Variants in SSBP3 observed in about 807,000 individuals in gnomAD.
SSBP3 encodes single-stranded DNA-binding protein 3.
Under a neutral mutation model 69.6 loss-of-function variants are expected in SSBP3, and 5 were observed. The ratio of observed to expected loss-of-function variants is 0.07; its 90% CI spans 0.04 to 0.15. SSBP3 has a LOEUF of 0.15. SSBP3 is among the 10% of genes least tolerant of loss of function. The probability of loss-of-function intolerance (pLI) is 1.00; values close to 1 mark genes in which losing one functional copy is unlikely to be tolerated. For synonymous variants in SSBP3, 196 were observed against 193.4 expected (o/e 1.01, Z -0.11); for missense variants, 312 against 534.0 (o/e 0.58, Z 4.10).
chr1:54,276,855 G>A (rs937636292), intron 5 of SSBP3, among the ~76,000 whole-genome samples: 6 of 152,060 alleles, frequency 3.9e-5, no homozygotes, highest in Admixed American at 3.9e-4. Flanking sequence ...ATCTCCCGCT[G>A]AGCACCTGTC....
chr1:54,271,025 C>A (rs1046627808), intron 5 of SSBP3, among the ~76,000 whole-genome samples: 1 of 152,332 alleles, frequency 6.6e-6, no homozygotes, highest in African/African-American at 2.4e-5. Context: ...CTGGGAGCTC[C>A]AGGCTTAGCT....
At chr1:54,328,765 T>C (rs1646354581) in intron 4 of SSBP3, among the ~76,000 whole-genome samples, 1 of 152,178 alleles carries the variant, frequency 6.6e-6, no homozygotes, top group Non-Finnish European at 1.5e-5. Flanking sequence ...CTCCCTTACC[T>C]GTAACCCAAT....
chr1:54,391,860 G>T (rs914566177), intron 4 of SSBP3, among the ~76,000 whole-genome samples: 2 of 151,612 alleles, frequency 1.3e-5, no homozygotes, highest in South Asian at 4.2e-4. Flanking sequence ...CAAGCTCCAC[G>T]GGGGGCAAGG....
chr1:54,404,719 G>T, intron 2 of SSBP3, 82 bp from the exon 3 acceptor site: 2 of 1,506,426 alleles, frequency 1.3e-6, no homozygotes, highest in Non-Finnish European at 9.2e-7. Context: ...AGGCTAGGAA[G>T]ACCAACTAAC....
chr1:54,397,440 C>G (rs773807605), intron 4 of SSBP3, among the ~76,000 whole-genome samples: 3 of 152,226 alleles, frequency 2.0e-5, no homozygotes, highest in South Asian at 2.1e-4. Context: ...TGCCTGCCCA[C>G]GCCCATGACT....
chr1:54,383,356 T>C (rs12046911), intron 4 of SSBP3, among the ~76,000 whole-genome samples: 16,471 of 150,646 alleles, frequency 0.11, 1,038 homozygotes, highest in East Asian at 0.28. Flanking sequence ...CCAGCCTGGG[T>C]GACAGAGCGA....
intron 4 of SSBP3, among the ~76,000 whole-genome samples, chr1:54,336,334 T>C (rs1220555138): frequency 2.6e-5 from 4 of 152,170 alleles, no homozygotes; most frequent in Non-Finnish European, 5.9e-5. Context: ...GAAATCTTCC[T>C]GAAGCCCTCA....
At chr1:54,334,821 T>C (rs1646480816) in intron 4 of SSBP3, among the ~76,000 whole-genome samples, 1 of 152,228 alleles carries the variant, frequency 6.6e-6, no homozygotes, top group South Asian at 2.1e-4. Flanking sequence ...GGCAGCTACA[T>C]TCAAGGGCCA....
intron 15 of SSBP3, 81 bp downstream of exon 15, chr1:54,228,667 A>C: frequency 6.6e-7 from 1 of 1,514,140 alleles, no homozygotes; most frequent in Middle Eastern, 2.3e-4. Flanking sequence ...GCTCTGTACC[A>C]AGCCCAGCTG....
chr1:54,266,105 G>A (rs1245800197), intron 5 of SSBP3, among the ~76,000 whole-genome samples: 1 of 152,254 alleles, frequency 6.6e-6, no homozygotes, highest in Non-Finnish European at 1.5e-5. Flanking sequence ...CACACTGCTT[G>A]CCAGCGCCTC....
chr1:54,296,531 G>A (rs1189516925), intron 4 of SSBP3, among the ~76,000 whole-genome samples: 1 of 152,226 alleles, frequency 6.6e-6, no homozygotes, highest in East Asian at 1.9e-4. Context: ...CCCACAGCCA[G>A]GCTGGACAGA....
chr1:54,407,359 A>C (rs1649851297), upstream of SSBP3, among the ~76,000 whole-genome samples: 1 of 149,838 alleles, frequency 6.7e-6, no homozygotes, highest in Admixed American at 6.6e-5. Context: ...AAATAAATGG[A>C]GCTAAATTGG....
At chr1:54,380,055 G>C (rs1413184449) in intron 4 of SSBP3, among the ~76,000 whole-genome samples, 2 of 152,110 alleles carry the variant, frequency 1.3e-5, no homozygotes, top group Admixed American at 1.3e-4. Flanking sequence ...AGGGCTCTCT[G>C]GTCAGAGAGG....
intron 7 of SSBP3, among the ~76,000 whole-genome samples, chr1:54,255,179 G>A (rs1644900056): frequency 6.6e-6 from 1 of 151,404 alleles, no homozygotes; most frequent in South Asian, 2.1e-4. Context: ...GTGGTTGGCA[G>A]GGAGGTTGGG....
intron 4 of SSBP3, among the ~76,000 whole-genome samples, chr1:54,341,969 G>A (rs1309309992): frequency 2.6e-5 from 4 of 152,228 alleles, no homozygotes; most frequent in Admixed American, 1.3e-4. Context: ...GGGCAAAGAG[G>A]GAGGAGGCTG....
intron 17 of SSBP3, among the ~76,000 whole-genome samples, chr1:54,227,882 AG>A (rs1239737789): frequency 6.6e-6 from 1 of 152,240 alleles, no homozygotes; most frequent in African/African-American, 2.4e-5. Flanking sequence ...AAAAGCAGAC[AG>A]CCAACCCGTG....
intron 3 of SSBP3, among the ~76,000 whole-genome samples, chr1:54,402,681 C>A (rs1649397191): frequency 6.6e-6 from 1 of 152,128 alleles, no homozygotes; most frequent in Non-Finnish European, 1.5e-5. Context: ...TTCACAGAAG[C>A]ACCTGTCAGC....
intron 4 of SSBP3, among the ~76,000 whole-genome samples, chr1:54,297,515 C>T (rs1278011637): frequency 1.3e-5 from 2 of 152,180 alleles, no homozygotes; most frequent in African/African-American, 4.8e-5. Flanking sequence ...CCTGTAATCT[C>T]AGCTCCTTGG....
chr1:54,230,247 C>T (rs1009208670), intron 14 of SSBP3, among the ~76,000 whole-genome samples: 1 of 152,140 alleles, frequency 6.6e-6, no homozygotes, highest in Admixed American at 6.5e-5. Context: ...AAGCAGCTCA[C>T]AGGCTTTTGG....
Sources: allele counts gnomAD v4.1 joint callset (sites outside exome capture counted in the v4.1 genomes callset), GRCh38; gene constraint gnomAD v4.1.1; transcripts MANE v1.5; gene names NCBI Gene and HGNC (gene_info 2026-07-23, HGNC 2026-07-21).